UGT1A3: variants seen among roughly 807,000 people sequenced by gnomAD.
UGT1A3 encodes UDP glucuronosyltransferase family 1 member A3.
Under a neutral mutation model 41.0 loss-of-function variants are expected in UGT1A3, and 31 were observed. The observed-to-expected ratio is 0.76, with a 90% CI of 0.57 to 1.02. The LOEUF is 1.02. Ranked by LOEUF, UGT1A3 falls within the 50% of genes least tolerant of loss-of-function variation. The pLI, the probability that UGT1A3 is intolerant of heterozygous loss-of-function variation, is 0.00. For synonymous variants in UGT1A3, 262 were observed against 257.6 expected, an observed-to-expected ratio of 1.02 and a Z score of -0.17; for missense variants, 737 against 671.0, an observed-to-expected ratio of 1.10 and a Z score of -1.09.
At chr2:233,738,451 G>A (rs1425081316) in intron 1 of UGT1A3, among the ~76,000 whole-genome samples, 1 of 152,222 alleles carries the variant, frequency 6.6e-6, no homozygotes, top group Non-Finnish European at 1.5e-5. Context: ...AAGACAGGAA[G>A]ATGTGGGAAA....
At chr2:233,758,733 C>T (rs1161987353) in intron 1 of UGT1A3, among the ~76,000 whole-genome samples, 1 of 152,140 alleles carries the variant, frequency 6.6e-6, no homozygotes, top group African/African-American at 2.4e-5. Context: ...TAAGCACATC[C>T]CCAAGTATGG....
intron 1 of UGT1A3, chr2:233,742,641 A>G (rs1692051746): frequency 1.3e-5 from 2 of 152,170 alleles, no homozygotes. Flanking sequence ...GTCCTAGTAT[A>G]CCACCGACCA....
In UGT1A3 at chr2:233,772,793, T is replaced by C. The variant is rs532329443; in HGVS notation, c.*234T>C. 4.9e-6 allele frequency: 6 copies of C among 1,212,356 alleles called. No individual in the cohort carries two copies. The African/African-American group carries it at 9.2e-5, about 19-fold the overall frequency. 75.1% of individuals were successfully genotyped at this position (1,212,356 alleles called of 1,614,324 possible). ...TCTGGTGTCTTTGATCAGGATGACA[T>C]GTGCCATTTTTCAGAGGACGTGCAG... On this transcript the variant is annotated 3_prime_UTR_variant, in exon 5 of 5. Transcript: ENST00000482026.
intron 1 of UGT1A3, among the ~76,000 whole-genome samples, chr2:233,749,048 G>A (rs971620112): frequency 1.8e-4 from 27 of 151,634 alleles, no homozygotes; most frequent in African/African-American, 6.3e-4. Context: ...GTGGTACTCT[G>A]GGACCTGAAT....
intron 4 of UGT1A3, 67 bp from the exon 5 acceptor site, chr2:233,772,195 G>A (rs1700480706): frequency 1.9e-6 from 3 of 1,602,230 alleles, no homozygotes; most frequent in Non-Finnish European, 2.6e-6. Flanking sequence ...AAGCAGCCAT[G>A]AGCATAAAGA....
At chr2:233,747,534 A>G in intron 1 of UGT1A3, 1 of 1,605,506 alleles carries the variant, frequency 6.2e-7, no homozygotes. Context: ...ACATTTTCTG[A>G]AGACATTTTC....
In UGT1A3 at chr2:233,747,891, C is replaced by T. The variant is rs562741642; in HGVS notation, c.867+17898C>T. 6 of 1,613,060 alleles carry T rather than the reference C, an allele frequency of 3.7e-6. No homozygotes were observed. In the Admixed American group the frequency reaches 5.0e-5, roughly 13 times the overall value. On this transcript the variant is annotated intron_variant, in intron 1 of 4. Coordinates refer to ENST00000482026, the MANE Select transcript of UGT1A3 (RefSeq NM_019093.4). ...GGCCCTGTCCTACCTTTGCCATGCT[C>T]TTTCTGCTCCTTATGCAAGCCTTGC...
chr2:233,734,624 C>A (rs1319602311), intron 1 of UGT1A3, among the ~76,000 whole-genome samples: 1 of 152,146 alleles, frequency 6.6e-6, no homozygotes, highest in Non-Finnish European at 1.5e-5. Flanking sequence ...GATTTTAGAT[C>A]TTTCCTGCTT....
At position 233,731,167 on chromosome 2, in the gene UGT1A3, AT is replaced by A. The variant is rs1179116589; in HGVS notation, c.867+1181del. On this transcript the variant is annotated intron_variant, in intron 1 of 4. Transcript: ENST00000482026. ...TTTTTCTTTTTGATCAAACGACATG[AT>A]TTTTTTATGCAATGTAATTATTCAA... is the stretch of plus-strand genomic sequence containing the variant. 9.2e-5 allele frequency among the ~76,000 whole-genome samples: 14 copies of A among 151,914 alleles called. No homozygotes were observed. The East Asian group carries it at 1.4e-3, about 15-fold the overall frequency.
In UGT1A3 at chr2:233,729,195, G is replaced by C; in HGVS notation, c.69G>C (p.Gln23His). ...ATGLLLLLSV[Q>H]PWAESGKVLV... The stretch of plus-strand genomic sequence containing the variant: ...GACTGCTGCTTCTCCTCAGTGTCCA[G>C]CCCTGGGCTGAGAGTGGAAAGGTGT... Residue 23 changes from glutamine to histidine, a missense_variant, in exon 1 of 5, where the codon CAG (glutamine) becomes CAC (histidine). Transcript: ENST00000482026. The C allele has an allele frequency of 6.2e-7, 1 of 1,614,030 alleles. No individual in the cohort carries two copies. Among genetic ancestry groups the C allele is most frequent in the Non-Finnish European group, 8.5e-7 (1 of 1,179,934 alleles).
intron 1 of UGT1A3, among the ~76,000 whole-genome samples, chr2:233,757,257 G>C (rs1486497078): frequency 6.8e-6 from 1 of 147,916 alleles, no homozygotes; most frequent in Non-Finnish European, 1.5e-5. Flanking sequence ...GGTTATTCAG[G>C]TGGCAGCCGA....
In UGT1A3 at chr2:233,767,120, G is replaced by A; in HGVS notation, c.954G>A (p.Lys318=). The A allele has an allele frequency of 1.2e-6, 2 of 1,614,156 alleles. No individual in the cohort carries two copies. The highest frequency in any genetic ancestry group is 1.7e-6 in the Non-Finnish European group (2 of 1,180,028). ...CAATGGTCTCAGAAATTCCAGAGAA[G>A]AAAGCTATGGCAATTGCTGATGCTT... ...LGSMVSEIPE[K]KAMAIADALG... The change falls in exon 2 of 5, where the codon AAG becomes AAA. Residue 318 remains lysine, a synonymous_variant. Transcript: ENST00000482026.
chr2:233,747,597 G>A (rs1160963474), intron 1 of UGT1A3: 51 of 1,576,164 alleles, frequency 3.2e-5, no homozygotes, highest in Non-Finnish European at 4.2e-5. Context: ...TAGGTCTTGT[G>A]TGGAGCTACT....
At chr2:233,744,741 C>G (rs1692905246) in intron 1 of UGT1A3, among the ~76,000 whole-genome samples, 1 of 151,836 alleles carries the variant, frequency 6.6e-6, no homozygotes, top group South Asian at 2.1e-4. Context: ...AATCAAGTAG[C>G]ATTATTATGG....
rs1693674969 is a variant in UGT1A3 at position 233,747,432 on chromosome 2, T to A, written c.867+17439T>A. ...GAATATGCACATCAAACAAGAGAAA[T>A]TTTTCACCCTGACAACCTATGCCAT... On this transcript the variant is annotated intron_variant, in intron 1 of 4. Transcript: ENST00000482026. 1.9e-6 allele frequency: 3 copies of A among 1,608,474 alleles called. No individual in the cohort carries two copies. The Admixed American group carries it at 5.0e-5, about 27-fold the overall frequency.
intron 1 of UGT1A3, among the ~76,000 whole-genome samples, chr2:233,732,478 A>G (rs60103279): frequency 0.034 from 5,126 of 152,332 alleles, 101 homozygotes; most frequent in African/African-American, 0.051. Flanking sequence ...TCTGGAATTA[A>G]TTTTTGTATA....
intron 1 of UGT1A3, chr2:233,752,621 T>A (rs1428833052): frequency 3.3e-5 from 5 of 152,162 alleles, no homozygotes; most frequent in Admixed American, 3.3e-4. Context: ...TAGCTAGGTG[T>A]GGTAGCTGTT....
chr2:233,738,188 G>T (rs543563413), intron 1 of UGT1A3, among the ~76,000 whole-genome samples: 6 of 152,088 alleles, frequency 3.9e-5, no homozygotes, highest in Non-Finnish European at 8.8e-5. Flanking sequence ...ACGTGTCTTT[G>T]CCTCTCTCTC....
At chr2:233,766,654 A>G (rs1414675173) in intron 1 of UGT1A3, among the ~76,000 whole-genome samples, 3 of 152,054 alleles carry the variant, frequency 2.0e-5, no homozygotes, top group Non-Finnish European at 4.4e-5. Flanking sequence ...ATTTAAAGGG[A>G]CCACGCCCTT....
Sources: gnomAD v4.1 joint callset for allele counts (sites outside exome capture counted in the v4.1 genomes callset) on GRCh38, gnomAD v4.1.1 for gene constraint, MANE v1.5 for transcripts, NCBI Gene and HGNC (gene_info 2026-07-23, HGNC 2026-07-21) for gene names.